Variants in GALNTL6 observed in about 807,000 individuals in gnomAD.
GALNTL6 encodes the protein polypeptide N-acetylgalactosaminyltransferase-like 6.
A neutral mutation model predicts 73.7 loss-of-function variants in GALNTL6; 46 were observed. The ratio of observed to expected loss-of-function variants is 0.62; its 90% CI spans 0.49 to 0.80. GALNTL6 has a LOEUF of 0.80. Ranked by LOEUF, GALNTL6 falls within the 30% of genes least tolerant of loss-of-function variation. The pLI, the probability that GALNTL6 is intolerant of heterozygous loss-of-function variation, is 0.00. For missense variants in GALNTL6, 604 were observed against 755.0 expected, an observed-to-expected ratio of 0.80 and a Z score of 2.34; for synonymous variants, 259 against 263.7, an observed-to-expected ratio of 0.98 and a Z score of 0.17.
At chr4:172,520,591 T>C (rs988631740) in intron 5 of GALNTL6, among the ~76,000 whole-genome samples, 1 of 151,914 alleles carries the variant, frequency 6.6e-6, no homozygotes, top group Non-Finnish European at 1.5e-5. Flanking sequence ...CTATAGAAAG[T>C]TGTTTCCATT....
At chr4:172,576,761 G>T (rs376842679) in intron 5 of GALNTL6, among the ~76,000 whole-genome samples, 1 of 152,130 alleles carries the variant, frequency 6.6e-6, no homozygotes, top group African/African-American at 2.4e-5. Flanking sequence ...CTAAGAAAAA[G>T]CCTAATAAGG....
chr4:173,022,816 C>T lies in GALNTL6; in HGVS notation c.1638+1191C>T, dbSNP rs552558730. On this transcript the variant is annotated intron_variant, in intron 12 of 12. Transcript: ENST00000506823. ...TTTATTGAGTTAATAAAATAAAGAG[C>T]AATTAAGTTATTGTTTGAAAATATT... 1.3e-3 allele frequency among the ~76,000 whole-genome samples: 200 copies of T among 152,216 alleles called. 1 individual carries two copies. Among genetic ancestry groups the T allele is most frequent in the African/African-American group, 4.6e-3 (190 of 41,530 alleles).
At chr4:172,859,287 T>G (rs1048165069) in intron 7 of GALNTL6, among the ~76,000 whole-genome samples, 1 of 152,190 alleles carries the variant, frequency 6.6e-6, no homozygotes, top group Non-Finnish European at 1.5e-5. Flanking sequence ...GTGTCACCCC[T>G]GTAATAAATG....
chr4:172,015,392 G>C lies in GALNTL6; in HGVS notation c.138+200674G>C, dbSNP rs543247349. Among the ~76,000 whole-genome samples, 14 of 151,980 alleles carry C rather than the reference G, an allele frequency of 9.2e-5. 1 individual carries two copies. The South Asian group carries it at 2.9e-3, about 32-fold the overall frequency. ...GTGCTTGCTTTTGGTTTCCATTTAT[G>C]TGTAATATCTTATTCCAACCCTTTA... On this transcript the variant is annotated intron_variant, in intron 2 of 12. Transcript: ENST00000506823.
chr4:172,821,386 T>A (rs935227217), intron 7 of GALNTL6, among the ~76,000 whole-genome samples: 1 of 152,196 alleles, frequency 6.6e-6, no homozygotes, highest in Non-Finnish European at 1.5e-5. Context: ...CTAGGGTTAA[T>A]CAATAATTTT....
intron 10 of GALNTL6, among the ~76,000 whole-genome samples, chr4:172,956,036 G>C (rs372894617): frequency 9.2e-5 from 14 of 152,078 alleles, no homozygotes; most frequent in African/African-American, 3.1e-4. Flanking sequence ...GGAATATGAT[G>C]GCTTAGCTTT....
chr4:172,669,399 G>A (rs1731848624), intron 5 of GALNTL6, among the ~76,000 whole-genome samples: 1 of 152,170 alleles, frequency 6.6e-6, no homozygotes, highest in South Asian at 2.1e-4. Context: ...CATCGTCTAA[G>A]TCAAGGAACA....
At chr4:172,249,059 G>A (rs902104894) in intron 3 of GALNTL6, among the ~76,000 whole-genome samples, 1 of 152,198 alleles carries the variant, frequency 6.6e-6, no homozygotes, top group African/African-American at 2.4e-5. Context: ...AATAGGCAGA[G>A]GTTGGAACAG....
intron 2 of GALNTL6, among the ~76,000 whole-genome samples, chr4:172,044,283 A>C (rs1742160151): frequency 6.6e-6 from 1 of 152,000 alleles, no homozygotes; most frequent in South Asian, 2.1e-4. Context: ...ATTGAACATT[A>C]AAATAATATT....
chr4:173,001,584 A>T (rs1244735756), intron 10 of GALNTL6, among the ~76,000 whole-genome samples: 1 of 152,236 alleles, frequency 6.6e-6, no homozygotes, highest in Non-Finnish European at 1.5e-5. Flanking sequence ...AAGGTAACCC[A>T]CTGAATAGGA....
chr4:172,027,863 T>C (rs1166180017), intron 2 of GALNTL6, among the ~76,000 whole-genome samples: 1 of 152,070 alleles, frequency 6.6e-6, no homozygotes, highest in African/African-American at 2.4e-5. Flanking sequence ...AGATGGAAGA[T>C]CCAGGATCCA....
intron 10 of GALNTL6, among the ~76,000 whole-genome samples, chr4:172,975,212 T>C (rs2126417275): frequency 6.6e-6 from 1 of 152,324 alleles, no homozygotes; most frequent in African/African-American, 2.4e-5. Context: ...ATTGAGCAAC[T>C]GTACAGCTCT....
chr4:172,834,267 G>C (rs965421918), intron 7 of GALNTL6, among the ~76,000 whole-genome samples: 3 of 152,212 alleles, frequency 2.0e-5, no homozygotes, highest in Non-Finnish European at 4.4e-5. Flanking sequence ...GAAAGTAAAA[G>C]AAACGCTGAG....
At chr4:172,569,855 G>A (rs1424033732) in intron 5 of GALNTL6, among the ~76,000 whole-genome samples, 2 of 152,172 alleles carry the variant, frequency 1.3e-5, no homozygotes, top group African/African-American at 2.4e-5. Flanking sequence ...GAGGATATGC[G>A]AGGGATTATG....
intron 2 of GALNTL6, among the ~76,000 whole-genome samples, chr4:172,192,089 A>C (rs1560962338): frequency 6.6e-6 from 1 of 152,120 alleles, no homozygotes; most frequent in African/African-American, 2.4e-5. Flanking sequence ...TATTAAATTG[A>C]AAATATTTGC....
chr4:172,215,206 A>G (rs1201636499), intron 2 of GALNTL6, among the ~76,000 whole-genome samples: 2 of 152,112 alleles, frequency 1.3e-5, no homozygotes, highest in African/African-American at 4.8e-5. Context: ...ATGTTTTTGA[A>G]AAGAATGTAT....
intron 7 of GALNTL6, among the ~76,000 whole-genome samples, chr4:172,838,352 C>T (rs577917878): frequency 1.4e-4 from 21 of 152,238 alleles, no homozygotes; most frequent in African/African-American, 5.1e-4. Flanking sequence ...AGGAAGTGTC[C>T]GGTGGGCGGA....
At chr4:171,987,345 A>T (rs1283325325) in intron 2 of GALNTL6, among the ~76,000 whole-genome samples, 4 of 152,302 alleles carry the variant, frequency 2.6e-5, no homozygotes, top group Middle Eastern at 3.4e-3. Flanking sequence ...TGATTTGACT[A>T]ATAAAGGCTG....
chr4:172,169,252 G>T (rs1450292406), intron 2 of GALNTL6, among the ~76,000 whole-genome samples: 3 of 152,200 alleles, frequency 2.0e-5, no homozygotes, highest in African/African-American at 7.2e-5. Context: ...TCTAACGTTA[G>T]CTGGAGGAAG....
Sources: allele counts gnomAD v4.1 joint callset (sites outside exome capture counted in the v4.1 genomes callset), GRCh38; gene constraint gnomAD v4.1.1; transcripts MANE v1.5; gene names NCBI Gene and HGNC (gene_info 2026-07-23, HGNC 2026-07-21).